KATNA1: variants seen among roughly 807,000 people sequenced by gnomAD.
KATNA1 encodes katanin catalytic subunit A1, also known as katanin p60 ATPase-containing subunit A1.
Under a neutral mutation model 62.6 loss-of-function variants are expected in KATNA1, and 42 were observed. That is an observed-to-expected ratio of 0.67 (90% CI 0.52 to 0.87). KATNA1 has a LOEUF of 0.87. Among genes scored for constraint, KATNA1 ranks in the 40% least tolerant of loss-of-function variants. The pLI, the probability that KATNA1 is intolerant of heterozygous loss-of-function variation, is 0.00. For missense variants in KATNA1, 498 were observed against 612.5 expected (o/e 0.81, Z 1.97); for synonymous variants, 186 against 201.9 (o/e 0.92, Z 0.67).
At chr6:149,647,146 G>C (rs1015434018) in intron 1 of KATNA1, among the ~76,000 whole-genome samples, 1 of 151,092 alleles carries the variant, frequency 6.6e-6, no homozygotes, top group Admixed American at 6.6e-5. Context: ...TCACTACTGC[G>C]TGTTTTTTTT....
intron 4 of KATNA1, among the ~76,000 whole-genome samples, chr6:149,622,579 A>G (rs1018262728): frequency 1.3e-5 from 2 of 152,046 alleles, no homozygotes; most frequent in African/African-American, 4.8e-5. Flanking sequence ...TTATATCACA[A>G]TATAAAGTTA....
chr6:149,604,736 T>C lies in KATNA1; in HGVS notation c.548A>G (p.Asp183Gly). 3 of 1,612,898 alleles carry C rather than the reference T, an allele frequency of 1.9e-6. No homozygotes were observed. The highest frequency in any genetic ancestry group is 2.5e-6 in the Non-Finnish European group (3 of 1,178,830). Residue 183 changes from aspartate to glycine, a missense_variant, in exon 5 of 11, where the codon GAT (aspartate) becomes GGT (glycine). By Grantham distance (94) the Asp-to-Gly change is moderately conservative. Coordinates refer to ENST00000367411, the MANE Select transcript of KATNA1 (RefSeq NM_007044.4). The part of the protein sequence containing the change: ...AVTEPETNKF[D>G]STGYDKDLVE... ...TAAGTCTTTATCATATCCGGTACTA[T>C]CAAATTTATTTGTCTCTGGTTCTGT...
At chr6:149,637,493 G>A (rs1780110596) in intron 2 of KATNA1, among the ~76,000 whole-genome samples, 2 of 152,128 alleles carry the variant, frequency 1.3e-5, no homozygotes. Context: ...CTATTTTTAC[G>A]AAGTAAAAAT....
At chr6:149,617,240 G>A (rs1196925169) in intron 4 of KATNA1, among the ~76,000 whole-genome samples, 1 of 152,192 alleles carries the variant, frequency 6.6e-6, no homozygotes, top group African/African-American at 2.4e-5. Flanking sequence ...CAGTAGTGAT[G>A]ATTCCACAAC....
chr6:149,627,398 T>C (rs1290765134), intron 3 of KATNA1, among the ~76,000 whole-genome samples: 2 of 151,276 alleles, frequency 1.3e-5, no homozygotes, highest in Non-Finnish European at 2.9e-5. Context: ...AAACCCTGTC[T>C]ACTAAAAATA....
At chr6:149,603,449 A>G in intron 5 of KATNA1, 76 bp from the exon 6 acceptor site, 1 of 676,246 alleles carries the variant, frequency 1.5e-6, no homozygotes, top group Non-Finnish European at 2.6e-6. Context: ...AACCACTGGA[A>G]GCACATGATG....
intron 2 of KATNA1, 126 bp from the exon 3 acceptor site, chr6:149,633,042 T>A: frequency 1.7e-6 from 1 of 599,288 alleles, no homozygotes; most frequent in South Asian, 2.7e-5. Flanking sequence ...GTAAACCACA[T>A]CAAGATATTC....
chr6:149,623,061 T>C (rs947108733), intron 4 of KATNA1, 42 bp downstream of exon 4: 15 of 1,412,062 alleles, frequency 1.1e-5, no homozygotes, highest in Admixed American at 2.3e-5. Context: ...ATTTTTACGG[T>C]TCAAAAATAA....
intron 4 of KATNA1, among the ~76,000 whole-genome samples, chr6:149,613,550 A>C (rs997184228): frequency 2.6e-5 from 4 of 152,188 alleles, no homozygotes; most frequent in African/African-American, 9.6e-5. Flanking sequence ...ATAAAAATCA[A>C]TTATTGGGAC....
At chr6:149,600,539 G>A (rs1363856253) in intron 7 of KATNA1, among the ~76,000 whole-genome samples, 7 of 151,980 alleles carry the variant, frequency 4.6e-5, no homozygotes, top group Non-Finnish European at 8.8e-5. Flanking sequence ...AGGCTAAGGT[G>A]GGAGGATCGC....
intron 4 of KATNA1, among the ~76,000 whole-genome samples, chr6:149,621,450 G>C (rs940241279): frequency 3.3e-5 from 5 of 150,162 alleles, no homozygotes; most frequent in Admixed American, 2.0e-4. Context: ...GATACACTGA[G>C]AGAAAAAAAC....
chr6:149,609,838 T>C (rs915025104), intron 4 of KATNA1, among the ~76,000 whole-genome samples: 2 of 128,844 alleles, frequency 1.6e-5, no homozygotes, highest in Non-Finnish European at 3.2e-5. Context: ...CGGTGGCTCA[T>C]GTCTGTAATC....
chr6:149,628,912 C>T (rs12191643), intron 3 of KATNA1, among the ~76,000 whole-genome samples: 59,956 of 151,482 alleles, frequency 0.4, 12,663 homozygotes, highest in East Asian at 0.81. Flanking sequence ...AAAAGATGCC[C>T]AGTTAAGAGA....
At chr6:149,612,758 A>G (rs1779008146) in intron 4 of KATNA1, among the ~76,000 whole-genome samples, 1 of 152,142 alleles carries the variant, frequency 6.6e-6, no homozygotes, top group Non-Finnish European at 1.5e-5. Flanking sequence ...ATTACATACC[A>G]TGACCAAGTG....
At chr6:149,620,123 C>T (rs769661730) in intron 4 of KATNA1, among the ~76,000 whole-genome samples, 4 of 151,932 alleles carry the variant, frequency 2.6e-5, no homozygotes, top group Non-Finnish European at 4.4e-5. Flanking sequence ...TCACTCATGA[C>T]GAAGCTAAAA....
At chr6:149,620,602 G>A (rs2115117466) in intron 4 of KATNA1, among the ~76,000 whole-genome samples, 1 of 152,160 alleles carries the variant, frequency 6.6e-6, no homozygotes, top group South Asian at 2.1e-4. Flanking sequence ...CCAGGTGACT[G>A]TAATTAAAAA....
chr6:149,644,690 G>A (rs758454948), intron 1 of KATNA1, among the ~76,000 whole-genome samples: 17 of 151,984 alleles, frequency 1.1e-4, no homozygotes, highest in Non-Finnish European at 1.8e-4. Flanking sequence ...GGTGGTCCTC[G>A]TTTTTTTCTT....
chr6:149,633,848 C>T (rs9505825), intron 2 of KATNA1, among the ~76,000 whole-genome samples: 323 of 151,442 alleles, frequency 2.1e-3, no homozygotes, highest in African/African-American at 7.4e-3. Context: ...CCCAGCTACT[C>T]GGGAGGCTGA....
At chr6:149,628,719 C>T (rs992107825) in intron 3 of KATNA1, among the ~76,000 whole-genome samples, 2 of 151,132 alleles carry the variant, frequency 1.3e-5, no homozygotes, top group East Asian at 2.0e-4. Context: ...ACATGGGAGG[C>T]TGAGGCAGGA....
Sources: gnomAD v4.1 joint callset for allele counts (sites outside exome capture counted in the v4.1 genomes callset) on GRCh38, gnomAD v4.1.1 for gene constraint, MANE v1.5 for transcripts, NCBI Gene and HGNC (gene_info 2026-07-23, HGNC 2026-07-21) for gene names.